SLC25A21: variants seen among roughly 807,000 people sequenced by gnomAD.
The protein encoded by SLC25A21 is solute carrier family 25 member 21.
In SLC25A21, 47 loss-of-function variants were observed where a neutral mutation model predicts 43.8. That is an observed-to-expected ratio of 1.07 (90% CI 0.85 to 1.37). The LOEUF (loss-of-function observed/expected upper bound fraction) is 1.37, where lower values mean the gene tolerates loss of function less well. SLC25A21 is among the 40% of genes most tolerant of loss of function. SLC25A21 has a pLI of 0.00. For missense variants in SLC25A21, 352 were observed against 350.2 expected, an observed-to-expected ratio of 1.00 and a Z score of -0.04; for synonymous variants, 131 against 121.3, an observed-to-expected ratio of 1.08 and a Z score of -0.52.
chr14:36,789,827 A>T (rs1393382912), intron 3 of SLC25A21, among the ~76,000 whole-genome samples: 2 of 115,372 alleles, frequency 1.7e-5, no homozygotes, highest in African/African-American at 6.9e-5. Context: ...AATATATTTT[A>T]TATATTTATA....
intron 1 of SLC25A21, among the ~76,000 whole-genome samples, chr14:37,151,023 C>G (rs1394319200): frequency 6.6e-6 from 1 of 151,874 alleles, no homozygotes; most frequent in African/African-American, 2.4e-5. Flanking sequence ...GGTAGGTTCT[C>G]TCTCTCTCTC....
intron 1 of SLC25A21, among the ~76,000 whole-genome samples, chr14:37,114,836 CA>C (rs1406522400): frequency 6.7e-6 from 1 of 150,238 alleles, no homozygotes; most frequent in Admixed American, 6.6e-5. Context: ...TCTTGTTTTT[CA>C]AAAAGATGAA....
At chr14:36,848,949 C>T (rs1022119183) in intron 2 of SLC25A21, among the ~76,000 whole-genome samples, 34 of 152,246 alleles carry the variant, frequency 2.2e-4, no homozygotes, top group African/African-American at 5.1e-4. Context: ...TTCCATCTCT[C>T]GCCCTATTAG....
intron 1 of SLC25A21, among the ~76,000 whole-genome samples, chr14:36,974,277 T>C (rs979096079): frequency 6.6e-6 from 1 of 152,238 alleles, no homozygotes; most frequent in African/African-American, 2.4e-5. Context: ...ACAAAATCAG[T>C]GACTGCCTTT....
intron 1 of SLC25A21, among the ~76,000 whole-genome samples, chr14:37,114,011 T>C (rs1269402235): frequency 6.6e-6 from 1 of 152,194 alleles, no homozygotes; most frequent in Non-Finnish European, 1.5e-5. Flanking sequence ...TAATTAAGCA[T>C]TAAAAGTAGT....
rs1555318123 is a variant in SLC25A21 at position 36,679,338 on chromosome 14, CTAAAT to C, written c.*1315_*1319del. 1.0e-6 allele frequency: 1 copy of C among 969,758 alleles called. No homozygotes were observed. The highest frequency in any genetic ancestry group is 1.2e-6 in the Non-Finnish European group (1 of 815,948). The allele number at this position is 969,758 out of a possible 1,614,324, so 60.1% of individuals were successfully genotyped here. On this transcript the variant is annotated 3_prime_UTR_variant, in exon 10 of 10. Coordinates refer to ENST00000331299, the MANE Select transcript of SLC25A21 (RefSeq NM_030631.4). ...CTTTTATTTTTATACTTCAAATGCT[CTAAAT>C]TAATAAAAAGTAATAATTACCATGT...
chr14:36,754,425 T>C (rs1469931814), intron 3 of SLC25A21, among the ~76,000 whole-genome samples: 1 of 152,158 alleles, frequency 6.6e-6, no homozygotes, highest in Non-Finnish European at 1.5e-5. Context: ...TGGGTGAGGA[T>C]AAATATCTTC....
intron 3 of SLC25A21, among the ~76,000 whole-genome samples, chr14:36,764,561 A>G (rs1886335280): frequency 6.7e-6 from 1 of 148,870 alleles, no homozygotes; most frequent in Non-Finnish European, 1.5e-5. Context: ...CCAAAACAAA[A>G]CAAAACAAAA....
At chr14:37,038,953 T>C (rs1961385168) in intron 1 of SLC25A21, among the ~76,000 whole-genome samples, 2 of 152,154 alleles carry the variant, frequency 1.3e-5, no homozygotes, top group African/African-American at 4.8e-5. Context: ...GACAAAGGGA[T>C]GCCCTTCCCC....
At chr14:37,109,838 C>A (rs1962986271) in intron 1 of SLC25A21, among the ~76,000 whole-genome samples, 2 of 151,956 alleles carry the variant, frequency 1.3e-5, no homozygotes, top group South Asian at 2.1e-4. Context: ...CTATAGATAA[C>A]CTGAGGTCTT....
intron 1 of SLC25A21, among the ~76,000 whole-genome samples, chr14:37,019,575 G>T (rs557224458): frequency 6.6e-6 from 1 of 151,904 alleles, no homozygotes; most frequent in South Asian, 2.1e-4. Context: ...TCAGCATATA[G>T]CATTAAGTCT....
At chr14:36,924,017 C>T (rs914008868) in intron 1 of SLC25A21, among the ~76,000 whole-genome samples, 2 of 152,078 alleles carry the variant, frequency 1.3e-5, no homozygotes, top group African/African-American at 2.4e-5. Flanking sequence ...ATTAAAAAGT[C>T]AGGAAACTAC....
In SLC25A21 at chr14:36,997,764, G is replaced by C. The variant is rs1002327845; in HGVS notation, c.71-122760C>G. 3.3e-5 allele frequency among the ~76,000 whole-genome samples: 5 copies of C among 150,776 alleles called. 1 individual carries two copies. The highest frequency in any genetic ancestry group is 3.3e-4 in the Admixed American group (5 of 15,100). On this transcript the variant is annotated intron_variant, in intron 1 of 9. Transcript: ENST00000331299. ...GAATCACTTGAACCTGGGAGGCAGAGGTTGCAGATTGCACCATTGCACTGC... is the reference window on the plus strand; with the variant it reads ...GAATCACTTGAACCTGGGAGGCAGACGTTGCAGATTGCACCATTGCACTGC...
Position 36,764,199 on chromosome 14 carries a change from A to AAAGAAAGAAAGAAAGAAACT in SLC25A21, c.204-29627_204-29626insAGTTTCTTTCTTTCTTTCTT, listed in dbSNP as rs1566588491. Among the ~76,000 whole-genome samples the AAAGAAAGAAAGAAAGAAACT allele has an allele frequency of 8.0e-4, 117 of 146,940 alleles. 4 individuals carry two copies. Among genetic ancestry groups the AAAGAAAGAAAGAAAGAAACT allele is most frequent in the African/African-American group, 3.0e-3 (111 of 37,398 alleles). On this transcript the variant is annotated intron_variant, in intron 3 of 9. Coordinates refer to ENST00000331299, the MANE Select transcript of SLC25A21 (RefSeq NM_030631.4). ...AAGAAAGAAAGAAAGAAAGAGAAAGAAAGAAACTGTTAGCTTCCCAGGACA... is the reference window on the plus strand; with the variant it reads ...AAGAAAGAAAGAAAGAAAGAGAAAGAAAGAAAGAAAGAAAGAAACTAAGAAACTGTTAGCTTCCCAGGACA...
chr14:36,917,688 G>A (rs1891867732), intron 1 of SLC25A21, among the ~76,000 whole-genome samples: 1 of 151,284 alleles, frequency 6.6e-6, no homozygotes, highest in African/African-American at 2.4e-5. Context: ...TCAATTGCTG[G>A]CATCTATGGT....
At chr14:36,890,340 T>C (rs114501418) in intron 1 of SLC25A21, among the ~76,000 whole-genome samples, 267 of 152,208 alleles carry the variant, frequency 1.8e-3, no homozygotes, top group African/African-American at 6.2e-3. Context: ...GCCAAATGAA[T>C]ATGAGGAAAT....
rs17841017 is a variant in SLC25A21 at position 37,102,149 on chromosome 14, T to C, written c.70+70132A>G. On this transcript the variant is annotated intron_variant, in intron 1 of 9. Transcript: ENST00000331299. ...CTGCATTTGTTCAAAAGATGTAAAA[T>C]TGTAATAATGGCCAGGCACGGTGGT... 0.016 allele frequency among the ~76,000 whole-genome samples: 2,430 copies of C among 152,092 alleles called. 184 individuals are homozygous for C. The East Asian group carries it at 0.26, about 16-fold the overall frequency.
At chr14:36,785,545 C>T (rs972798254) in intron 3 of SLC25A21, among the ~76,000 whole-genome samples, 4 of 152,102 alleles carry the variant, frequency 2.6e-5, no homozygotes, top group Non-Finnish European at 5.9e-5. Flanking sequence ...CCAGAAGGTG[C>T]TACTGAAATA....
In SLC25A21 at chr14:37,071,997, C is replaced by T. The variant is rs1012688890; in HGVS notation, c.70+100284G>A. On this transcript the variant is annotated intron_variant, in intron 1 of 9. Transcript: ENST00000331299. ...AGGAGTTCAAGACCAGCCTGGCCAACGTGGTGAAACCTCATCTCTATTTAA... is the reference window on the plus strand; with the variant it reads ...AGGAGTTCAAGACCAGCCTGGCCAATGTGGTGAAACCTCATCTCTATTTAA... Among the ~76,000 whole-genome samples the T allele has an allele frequency of 3.3e-5, 5 of 151,698 alleles. No individual in the cohort carries two copies. The East Asian group carries it at 5.9e-4, about 18-fold the overall frequency.
Sources: allele counts gnomAD v4.1 joint callset (sites outside exome capture counted in the v4.1 genomes callset), GRCh38; gene constraint gnomAD v4.1.1; transcripts MANE v1.5; gene names NCBI Gene and HGNC (gene_info 2026-07-23, HGNC 2026-07-21).